The following ADPRS variants were observed in gnomAD, a reference collection of about 807,000 sequenced individuals.
ADPRS encodes the protein ADP-ribosylserine hydrolase.
In ADPRS, 25 loss-of-function variants were observed where a neutral mutation model predicts 32.1. The ratio of observed to expected loss-of-function variants is 0.78; its 90% CI spans 0.57 to 1.09. The LOEUF is 1.09. ADPRS is among the 50% of genes least tolerant of loss of function. The pLI is 0.00. For missense variants in ADPRS, 482 were observed against 480.6 expected (o/e 1.00, Z -0.03); for synonymous variants, 225 against 201.0 (o/e 1.12, Z -1.01).
In ADPRS at chr1:36,091,242, A is replaced by C. The variant is rs1196746929; in HGVS notation, c.212-2A>C. 1 of 1,613,636 alleles carries C rather than the reference A, an allele frequency of 6.2e-7. No homozygotes were observed. Among genetic ancestry groups the C allele is most frequent in the African/African-American group, 1.3e-5 (1 of 74,944 alleles). The stretch of plus-strand genomic sequence containing the variant: ...CTCTCATCCTCCCTCCTCTCCCCAC[A>C]GAAGCCTTGTACTACACAGATGACA... On this transcript the variant is annotated splice_acceptor_variant, in intron 1 of 5. Transcript: ENST00000373178. LOFTEE classifies it high-confidence loss of function.
rs201940724 is a variant in ADPRS, at chr1:36,091,946, T to C, written c.553T>C (p.Ser185Pro). ...RLSAQLTHAS[S>P]LGYNGAILQA... ...CTCGGCCCAGCTGACACACGCCTCC[T>C]CCCTGGGTTACAATGGCGCCATCCT... is the stretch of plus-strand genomic sequence containing the variant. The change falls in exon 4 of 6, where the codon TCC (serine) becomes CCC (proline). Residue 185 changes from serine (S) to proline (P), a missense_variant. Ser to Pro is a moderately conservative substitution (Grantham distance 74, BLOSUM62 -1). Coordinates refer to ENST00000373178, the MANE Select transcript of ADPRS (RefSeq NM_017825.3). 70 of 1,611,294 alleles carry C rather than the reference T, an allele frequency of 4.3e-5. No individual in the cohort carries two copies. Among genetic ancestry groups the C allele is most frequent in the Non-Finnish European group, 5.4e-5 (64 of 1,178,090 alleles).
chr1:36,091,180 A>G, intron 1 of ADPRS, 64 bp from the exon 2 acceptor site: 1 of 1,457,628 alleles, frequency 6.9e-7, no homozygotes, highest in Non-Finnish European at 9.5e-7. Flanking sequence ...AAAAAAAGCA[A>G]AAAACAACAA....
rs1382978793 is a variant in ADPRS, at chr1:36,092,416, C to T, written c.702-6C>T. The T allele has an allele frequency of 6.2e-7, 1 of 1,614,026 alleles. No homozygotes were observed. The highest frequency in any genetic ancestry group is 2.2e-5 in the East Asian group (1 of 44,886). On this transcript the variant is annotated splice_polypyrimidine_tract_variant and splice_region_variant and intron_variant, in intron 4 of 5. Transcript: ENST00000373178. ...TGACCTCCCTGAAATCTCCCCTAAA[C>T]CACAGGTTGGGCATGGAGGAGCGTC...
intron 1 of ADPRS, among the ~76,000 whole-genome samples, chr1:36,091,028 G>T (rs1247313609): frequency 6.6e-6 from 1 of 152,114 alleles, no homozygotes; most frequent in Non-Finnish European, 1.5e-5. Context: ...AAGTAGCTGG[G>T]TGTGATGATG....
rs758669840 is a variant in ADPRS, at chr1:36,089,066, T to C, written c.162T>C (p.His54=). ...TCGACCTGACGTCAGTCCTGCGTCA[T>C]GTCCAGAGTCTGGAGCCGGACCCCG... The part of the protein sequence containing the change: ...DTVDLTSVLR[H]VQSLEPDPGT... The change falls in exon 1 of 6, where the codon CAT becomes CAC. Residue 54 remains histidine (H), a synonymous_variant. Coordinates refer to ENST00000373178, the MANE Select transcript of ADPRS (RefSeq NM_017825.3). 4 of 1,458,984 alleles carry C rather than the reference T, an allele frequency of 2.7e-6. No individual in the cohort carries two copies. The highest frequency in any genetic ancestry group is 2.7e-6 in the Non-Finnish European group (3 of 1,109,318). The allele number at this position is 1,458,984 out of a possible 1,614,324, so 90.4% of individuals were successfully genotyped here.
At chr1:36,090,190 C>T (rs909807278) in intron 1 of ADPRS, among the ~76,000 whole-genome samples, 4 of 152,080 alleles carry the variant, frequency 2.6e-5, no homozygotes, top group Non-Finnish European at 4.4e-5. Flanking sequence ...GGTATGGTGG[C>T]GCACACCTAT....
rs1476070994 is a variant in ADPRS at position 36,089,023 on chromosome 1, A to G, written c.119A>G (p.Tyr40Cys). ...CTCGGGGACTGCGTGGGCTCCTTCTACGAGGCCCACGACACCGTCGACCTG... is the reference window on the plus strand; with the variant it reads ...CTCGGGGACTGCGTGGGCTCCTTCTGCGAGGCCCACGACACCGTCGACCTG... ...ALLGDCVGSFYEAHDTVDLTS... is the reference protein window; with the variant it reads ...ALLGDCVGSFCEAHDTVDLTS... The change falls in exon 1 of 6, where the codon TAC (tyrosine) becomes TGC (cysteine). Residue 40 changes from tyrosine (Y) to cysteine (C), a missense_variant. Tyr to Cys is a radical substitution (Grantham distance 194, BLOSUM62 -2). Transcript: ENST00000373178. 3 of 1,475,912 alleles carry G rather than the reference A, an allele frequency of 2.0e-6. No homozygotes were observed. The highest frequency in any genetic ancestry group is 2.6e-5 in the Admixed American group (1 of 38,600). 91.4% of individuals were successfully genotyped at this position (1,475,912 alleles called of 1,614,324 possible).
At position 36,090,301 on chromosome 1, in the gene ADPRS, GA is replaced by G. The variant is rs1299656461; in HGVS notation, c.212-938del. On this transcript the variant is annotated intron_variant, in intron 1 of 5. Transcript: ENST00000373178. ...ATGGCAAGATCCTGTCTATAAAAAAGAAAAACAAAACAAAAACAAAAAGACT... is the reference window on the plus strand; with the variant it reads ...ATGGCAAGATCCTGTCTATAAAAAAGAAAACAAAACAAAAACAAAAAGACT... 3.9e-5 allele frequency among the ~76,000 whole-genome samples: 6 copies of G among 152,076 alleles called. No individual in the cohort carries two copies. The East Asian group carries it at 9.7e-4, about 24-fold the overall frequency.
chr1:36,089,614 G>T (rs1643450890), intron 1 of ADPRS, among the ~76,000 whole-genome samples: 1 of 152,082 alleles, frequency 6.6e-6, no homozygotes, highest in African/African-American at 2.4e-5. Context: ...TCTCCACCCC[G>T]CAAGGCGTGC....
chr1:36,093,169 C>T lies in ADPRS; in HGVS notation c.875C>T (p.Pro292Leu), dbSNP rs1180161823. 1 of 1,614,222 alleles carries T rather than the reference C, an allele frequency of 6.2e-7. No individual in the cohort carries two copies. Among genetic ancestry groups the T allele is most frequent in the Non-Finnish European group, 8.5e-7 (1 of 1,180,044 alleles). ...TTCCTACGCTGCATGGAGCCAGACC[C>T]TGAGATCCCTTCTGCCTTCAATAGC... The part of the protein sequence containing the change: ...YCFLRCMEPD[P>L]EIPSAFNSLQ... Residue 292 changes from proline to leucine, a missense_variant, in exon 6 of 6, where the codon CCT becomes CTT. Pro to Leu is a moderately conservative substitution (Grantham distance 98). Transcript: ENST00000373178.
chr1:36,092,207 C>T (rs1186102900), intron 4 of ADPRS, 113 bp downstream of exon 4: 16 of 1,386,886 alleles, frequency 1.2e-5, no homozygotes, highest in African/African-American at 1.5e-5. Context: ...GAGGCATGGG[C>T]AGAAGCCCCT....
chr1:36,090,463 C>A (rs1643463425), intron 1 of ADPRS, among the ~76,000 whole-genome samples: 1 of 151,942 alleles, frequency 6.6e-6, no homozygotes. Context: ...TAAAGAATTG[C>A]TGAAAATCCC....
chr1:36,088,894 T>A lies in ADPRS; in HGVS notation c.-11T>A, dbSNP rs1304382502. The A allele has an allele frequency of 1.3e-6, 2 of 1,522,892 alleles. No homozygotes were observed. Among genetic ancestry groups the A allele is most frequent in the South Asian group, 1.2e-5 (1 of 83,636 alleles). 94.3% of individuals were successfully genotyped at this position (1,522,892 alleles called of 1,614,324 possible). On this transcript the variant is annotated 5_prime_UTR_variant, in exon 1 of 6. Transcript: ENST00000373178. ...GGGCGGCACCGGAAGTGGCGAGCAGTCTGCGCGCGGATGGCCGCAGCGGCG... is the reference window on the plus strand; with the variant it reads ...GGGCGGCACCGGAAGTGGCGAGCAGACTGCGCGCGGATGGCCGCAGCGGCG...
In ADPRS at chr1:36,091,680, T is replaced by TC; in HGVS notation, c.372dup (p.Lys125GlnfsTer13). The stretch of plus-strand genomic sequence containing the variant: ...TATGGTGCTGGAGTAGTCACTGTCT[T>TC]CAAGAAGCTCCTGAACCCCAAATGT... On this transcript the variant is annotated frameshift_variant, in exon 3 of 6. Transcript: ENST00000373178. LOFTEE classifies it high-confidence loss of function. 6.2e-7 allele frequency: 1 copy of TC among 1,613,736 alleles called. No individual in the cohort carries two copies. Among genetic ancestry groups the TC allele is most frequent in the African/African-American group, 1.3e-5 (1 of 75,036 alleles).
chr1:36,089,083 C>T lies in ADPRS; in HGVS notation c.179C>T (p.Pro60Leu). 7.0e-7 allele frequency: 1 copy of T among 1,434,014 alleles called. No individual in the cohort carries two copies. Among genetic ancestry groups the T allele is most frequent in the Non-Finnish European group, 9.1e-7 (1 of 1,095,964 alleles). The allele number at this position is 1,434,014 out of a possible 1,614,324, so 88.8% of individuals were successfully genotyped here. Residue 60 changes from proline to leucine, a missense_variant, in exon 1 of 6, where the codon CCG becomes CTG. Physicochemically the swap from Pro to Leu is moderately conservative, Grantham distance 98 (BLOSUM62 -3). Transcript: ENST00000373178. ...SVLRHVQSLEPDPGTPGSERT... is the reference protein window; with the variant it reads ...SVLRHVQSLELDPGTPGSERT... ...CTGCGTCATGTCCAGAGTCTGGAGC[C>T]GGACCCCGGCACGCCCGGGAGTGAG...
intron 5 of ADPRS, 114 bp from the exon 6 acceptor site, chr1:36,092,983 C>T (rs1643506199): frequency 8.7e-7 from 1 of 1,148,102 alleles, no homozygotes; most frequent in Non-Finnish European, 1.2e-6. Context: ...GGTGGTCTAA[C>T]TGTAGAGCCT....
In ADPRS at chr1:36,089,107, A is replaced by C. The variant is rs963899157; in HGVS notation, c.203A>C (p.Glu68Ala). Residue 68 changes from glutamate (E) to alanine (A), a missense_variant, in exon 1 of 6, where the codon GAG becomes GCG. By Grantham distance (107) the Glu-to-Ala change is moderately radical. Transcript: ENST00000373178. ...LEPDPGTPGSERTEALYYTDD... is the reference protein window; with the variant it reads ...LEPDPGTPGSARTEALYYTDD... ...CCGGACCCCGGCACGCCCGGGAGTG[A>C]GCGGACAGGTGGGCGGGGCCGGGCG... 1.4e-6 allele frequency: 2 copies of C among 1,420,034 alleles called. No homozygotes were observed. Among genetic ancestry groups the C allele is most frequent in the Admixed American group, 6.6e-5 (2 of 30,112 alleles). 88.0% of individuals were successfully genotyped at this position (1,420,034 alleles called of 1,614,324 possible). A position where few individuals can be genotyped will look rare whatever the true frequency, so the allele number is the denominator to read the frequency against.
chr1:36,093,009 G>A (rs1643506418), intron 5 of ADPRS, 88 bp from the exon 6 acceptor site: 1 of 1,415,398 alleles, frequency 7.1e-7, no homozygotes, highest in East Asian at 2.3e-5. Context: ...CTTAGTCACA[G>A]CCTGCTTGAA....
At position 36,091,651 on chromosome 1, in the gene ADPRS, G is replaced by T. The variant is rs764083166; in HGVS notation, c.342G>T (p.Arg114Ser). The T allele has an allele frequency of 1.2e-6, 2 of 1,611,122 alleles. No homozygotes were observed. The highest frequency in any genetic ancestry group is 1.7e-6 in the Non-Finnish European group (2 of 1,178,424). Residue 114 changes from arginine (R) to serine (S), a missense_variant, in exon 3 of 6, where the codon AGG (arginine) becomes AGT (serine). Coordinates refer to ENST00000373178, the MANE Select transcript of ADPRS (RefSeq NM_017825.3). ...AGGAGTACAAGAAAGACCCTGACAGGGGCTATGGTGCTGGAGTAGTCACTG... is the reference window on the plus strand; with the variant it reads ...AGGAGTACAAGAAAGACCCTGACAGTGGCTATGGTGCTGGAGTAGTCACTG... ...FAQEYKKDPDRGYGAGVVTVF... is the reference protein window; with the variant it reads ...FAQEYKKDPDSGYGAGVVTVF...
Sources: gnomAD v4.1 joint callset for allele counts (sites outside exome capture counted in the v4.1 genomes callset) on GRCh38, gnomAD v4.1.1 for gene constraint, MANE v1.5 for transcripts, NCBI Gene and HGNC (gene_info 2026-07-23, HGNC 2026-07-21) for gene names.